The following PRKG1 variants were observed in gnomAD, a reference collection of about 807,000 sequenced individuals.
The protein encoded by PRKG1 is cGMP-dependent protein kinase 1.
A neutral mutation model predicts 88.1 loss-of-function variants in PRKG1; 35 were observed. That is an observed-to-expected ratio of 0.40 (90% confidence interval 0.30 to 0.53). PRKG1 has a LOEUF of 0.53. Among genes scored for constraint, PRKG1 ranks in the 20% least tolerant of loss-of-function variants. The pLI is 0.59. For synonymous variants in PRKG1, 303 were observed against 292.5 expected, an observed-to-expected ratio of 1.04 and a Z score of -0.37; for missense variants, 540 against 839.8, an observed-to-expected ratio of 0.64 and a Z score of 4.41.
chr10:52,024,410 G>A (rs11819075), intron 5 of PRKG1, among the ~76,000 whole-genome samples: 6,792 of 151,302 alleles, frequency 0.045, 361 homozygotes, highest in African/African-American at 0.13. Flanking sequence ...TACATGTGCC[G>A]TGTTGGTTTG....
At chr10:51,034,669 TATATATATATATATATATATATATATATA>T (rs1301283479) in intron 1 of PRKG1, among the ~76,000 whole-genome samples, 2 of 29,230 alleles carry the variant, frequency 6.8e-5, no homozygotes, top group South Asian at 1.8e-3. Context: ...ATATGTTATT[TATATATATATATATATATATATATATATA>T]TATATATATG....
chr10:51,456,812 A>G (rs1327329084), intron 2 of PRKG1, among the ~76,000 whole-genome samples: 2 of 152,170 alleles, frequency 1.3e-5, no homozygotes, highest in Non-Finnish European at 2.9e-5. Flanking sequence ...GAATATATAC[A>G]CTCTGCCAAC....
chr10:51,572,862 T>C (rs1347418953), intron 3 of PRKG1, among the ~76,000 whole-genome samples: 1 of 151,852 alleles, frequency 6.6e-6, no homozygotes, highest in Non-Finnish European at 1.5e-5. Context: ...AGTTTTACTC[T>C]TTAGAATTGA....
At chr10:51,239,137 A>G (rs1474552911) in intron 2 of PRKG1, among the ~76,000 whole-genome samples, 1 of 152,166 alleles carries the variant, frequency 6.6e-6, no homozygotes, top group African/African-American at 2.4e-5. Context: ...GAAGTAAATT[A>G]AAATAGAAGT....
At chr10:51,716,394 C>T (rs1003878926) in intron 3 of PRKG1, among the ~76,000 whole-genome samples, 7 of 152,114 alleles carry the variant, frequency 4.6e-5, no homozygotes, top group African/African-American at 1.7e-4. Flanking sequence ...CAAAATTAAG[C>T]CCAGGTATCT....
At chr10:51,811,890 C>G (rs770947996) in intron 4 of PRKG1, among the ~76,000 whole-genome samples, 2 of 152,178 alleles carry the variant, frequency 1.3e-5, no homozygotes, top group African/African-American at 4.8e-5. Flanking sequence ...ACCTGATGCT[C>G]ATGCAGCTAG....
intron 9 of PRKG1, among the ~76,000 whole-genome samples, chr10:52,232,716 G>A (rs1184564916): frequency 6.6e-6 from 1 of 152,198 alleles, no homozygotes; most frequent in East Asian, 1.9e-4. Flanking sequence ...GTTCAGGAGG[G>A]ACAACCCCTC....
At chr10:51,646,345 G>A (rs1009346125) in intron 3 of PRKG1, among the ~76,000 whole-genome samples, 2 of 152,056 alleles carry the variant, frequency 1.3e-5, no homozygotes, top group African/African-American at 4.8e-5. Flanking sequence ...CCTGTTGTAT[G>A]ATAAATATTT....
intron 3 of PRKG1, among the ~76,000 whole-genome samples, chr10:51,663,231 G>C (rs1315357565): frequency 1.3e-5 from 2 of 152,072 alleles, no homozygotes; most frequent in African/African-American, 4.8e-5. Context: ...GATGTAGAAA[G>C]AGTCAAAAAC....
At chr10:52,126,201 T>C (rs950112710) in intron 7 of PRKG1, among the ~76,000 whole-genome samples, 4 of 152,028 alleles carry the variant, frequency 2.6e-5, no homozygotes, top group African/African-American at 9.7e-5. Flanking sequence ...GGAGGGCTAC[T>C]GGGTATGTTT....
intron 9 of PRKG1, among the ~76,000 whole-genome samples, chr10:52,163,426 T>A (rs909074027): frequency 6.6e-5 from 10 of 151,274 alleles, no homozygotes; most frequent in Admixed American, 1.3e-4. Context: ...CTGATGGTAA[T>A]CTTAAAAATT....
chr10:51,806,156 C>G (rs990337672), intron 4 of PRKG1, among the ~76,000 whole-genome samples: 1 of 152,102 alleles, frequency 6.6e-6, no homozygotes, highest in African/African-American at 2.4e-5. Context: ...TCTTCTAGTG[C>G]AGCTCTGATA....
At chr10:51,542,898 C>A (rs1357441274) in intron 3 of PRKG1, among the ~76,000 whole-genome samples, 1 of 152,154 alleles carries the variant, frequency 6.6e-6, no homozygotes, top group Non-Finnish European at 1.5e-5. Context: ...TATGACACTG[C>A]AAACATTAAC....
At chr10:51,471,432 A>G (rs771461593) in intron 3 of PRKG1, among the ~76,000 whole-genome samples, 1 of 151,774 alleles carries the variant, frequency 6.6e-6, no homozygotes, top group African/African-American at 2.4e-5. Context: ...AATACCCCTT[A>G]CTTACTCAGT....
At chr10:51,348,241 A>C (rs930956587) in intron 2 of PRKG1, among the ~76,000 whole-genome samples, 2 of 152,182 alleles carry the variant, frequency 1.3e-5, no homozygotes, top group Non-Finnish European at 2.9e-5. Flanking sequence ...CTTACCTCCC[A>C]CACACACTCT....
chr10:51,717,813 C>T (rs1199434383), intron 3 of PRKG1, among the ~76,000 whole-genome samples: 1 of 145,534 alleles, frequency 6.9e-6, no homozygotes, highest in Non-Finnish European at 1.5e-5. Flanking sequence ...GCCTGGGCGA[C>T]AGAGCGAGAC....
At chr10:51,628,006 C>G (rs55833553) in intron 3 of PRKG1, among the ~76,000 whole-genome samples, 1 of 51,628 alleles carries the variant, frequency 1.9e-5, no homozygotes, top group Non-Finnish European at 4.0e-5. Flanking sequence ...CTCTCTCTCT[C>G]TCTCTTTCTT....
intron 9 of PRKG1, among the ~76,000 whole-genome samples, chr10:52,237,991 A>G (rs1840736369): frequency 7.9e-6 from 1 of 126,122 alleles, no homozygotes; most frequent in Admixed American, 8.6e-5. Context: ...AATGGAACAG[A>G]ACAGAGCCCT....
intron 7 of PRKG1, among the ~76,000 whole-genome samples, chr10:52,093,958 A>G (rs1435303132): frequency 1.3e-5 from 2 of 152,178 alleles, no homozygotes; most frequent in Admixed American, 1.3e-4. Flanking sequence ...TGAAAACCAG[A>G]TTAAGAACCC....
Sources: allele counts gnomAD v4.1 joint callset (sites outside exome capture counted in the v4.1 genomes callset), GRCh38; gene constraint gnomAD v4.1.1; transcripts MANE v1.5; gene names NCBI Gene and HGNC (gene_info 2026-07-23, HGNC 2026-07-21).